The following HECW2 variants were observed in gnomAD, a reference collection of about 807,000 sequenced individuals.
The protein encoded by HECW2 is HECT, C2 and WW domain containing E3 ubiquitin protein ligase 2.
A neutral mutation model predicts 175.2 loss-of-function variants in HECW2; 61 were observed. That is an observed-to-expected ratio of 0.35 (90% CI 0.28 to 0.43). The LOEUF is 0.43. Among genes scored for constraint, HECW2 ranks in the 20% least tolerant of loss-of-function variants. HECW2 has a pLI of 1.00. For synonymous variants in HECW2, 671 were observed against 731.0 expected (o/e 0.92, Z 1.32); for missense variants, 1,524 against 2,000.5 (o/e 0.76, Z 4.54).
At chr2:196,323,919 G>GTT (rs1294087624) in intron 6 of HECW2, among the ~76,000 whole-genome samples, 2 of 37,622 alleles carry the variant, frequency 5.3e-5, no homozygotes, top group South Asian at 1.2e-3. Context: ...TTTTTTGTTT[G>GTT]TTTTTTTTTT....
At chr2:196,558,904 A>G (rs1689897863) in intron 1 of HECW2, among the ~76,000 whole-genome samples, 1 of 152,230 alleles carries the variant, frequency 6.6e-6, no homozygotes, top group South Asian at 2.1e-4. Context: ...GAATTGTTTA[A>G]TATACCAAAT....
chr2:196,421,215 A>T (rs1388211714), intron 2 of HECW2, among the ~76,000 whole-genome samples: 1 of 152,136 alleles, frequency 6.6e-6, no homozygotes, highest in Non-Finnish European at 1.5e-5. Context: ...GATGTTGTAA[A>T]AAGTCCAAAC....
intron 1 of HECW2, among the ~76,000 whole-genome samples, chr2:196,532,434 C>T (rs1440204720): frequency 1.3e-5 from 2 of 152,038 alleles, no homozygotes; most frequent in African/African-American, 4.8e-5. Flanking sequence ...ACAAGGAGAA[C>T]ATACGGACAC....
chr2:196,446,197 A>G (rs1235917947), intron 1 of HECW2, among the ~76,000 whole-genome samples: 4 of 152,212 alleles, frequency 2.6e-5, no homozygotes, highest in Non-Finnish European at 1.5e-5. Context: ...TCTCTACCAC[A>G]GGGCCTTTGC....
intron 19 of HECW2, among the ~76,000 whole-genome samples, chr2:196,248,625 C>G (rs531209013): frequency 0.092 from 13,209 of 143,412 alleles, 1,104 homozygotes; most frequent in African/African-American, 0.26. Flanking sequence ...CACACACACA[C>G]ACACACAGAG....
At chr2:196,490,481 C>T (rs1052703312) in intron 1 of HECW2, among the ~76,000 whole-genome samples, 5 of 152,146 alleles carry the variant, frequency 3.3e-5, no homozygotes, top group Admixed American at 3.3e-4. Flanking sequence ...GAAGAACCCT[C>T]ACATACTGGT....
chr2:196,235,200 C>T (rs1688202467), intron 21 of HECW2, among the ~76,000 whole-genome samples: 1 of 151,132 alleles, frequency 6.6e-6, no homozygotes, highest in Admixed American at 6.6e-5. Context: ...CAGGTTCAAG[C>T]AATTCTCCTG....
At chr2:196,272,155 C>T (rs1689764842) in intron 16 of HECW2, among the ~76,000 whole-genome samples, 2 of 152,020 alleles carry the variant, frequency 1.3e-5, no homozygotes, top group South Asian at 4.1e-4. Flanking sequence ...CAACTAGGAC[C>T]AAAATGCAGA....
chr2:196,547,234 G>A (rs1038511360), intron 1 of HECW2, among the ~76,000 whole-genome samples: 1 of 152,192 alleles, frequency 6.6e-6, no homozygotes, highest in Non-Finnish European at 1.5e-5. Flanking sequence ...GGGCACCCCA[G>A]CATTCCATGA....
In HECW2 at chr2:196,491,472, GTA is replaced by G. The variant is rs71012914; in HGVS notation, c.-35-58016_-35-58015del. Among the ~76,000 whole-genome samples, 149 of 137,084 alleles carry G rather than the reference GTA, an allele frequency of 1.1e-3. 1 individual carries two copies. The highest frequency in any genetic ancestry group is 3.8e-3 in the African/African-American group (137 of 36,092). The allele number at this position is 137,084 out of a possible 152,430, so 89.9% of individuals were successfully genotyped here. On this transcript the variant is annotated intron_variant, in intron 1 of 28. Coordinates refer to ENST00000644978, the MANE Select transcript of HECW2 (RefSeq NM_001348768.2). ...ACACACTTAGGTATATTAGGTGTGT[GTA>G]TATATATATATACACATATATATAT...
At chr2:196,577,179 C>T (rs1163896101) in intron 1 of HECW2, among the ~76,000 whole-genome samples, 1 of 152,136 alleles carries the variant, frequency 6.6e-6, no homozygotes, top group African/African-American at 2.4e-5. Context: ...CACCACATGT[C>T]TCCACATGCA....
At chr2:196,237,176 CT>C (rs141895432) in intron 21 of HECW2, among the ~76,000 whole-genome samples, 1 of 151,198 alleles carries the variant, frequency 6.6e-6, no homozygotes, top group African/African-American at 2.4e-5. Flanking sequence ...AGCAGTGATT[CT>C]TTTTTTTTAA....
At position 196,194,835 on chromosome 2, in the gene HECW2, A is replaced by T. The variant is rs1366552423; in HGVS notation, c.*6442T>A. ...CTGTGACACACTGTGTGGTGAACGT[A>T]ATGACTGAGGTTGGTGAAGAGAAAT... On this transcript the variant is annotated 3_prime_UTR_variant, in exon 29 of 29. Coordinates refer to ENST00000644978, the MANE Select transcript of HECW2 (RefSeq NM_001348768.2). 2 of 152,186 alleles carry T rather than the reference A, an allele frequency of 1.3e-5. No homozygotes were observed. Among genetic ancestry groups the T allele is most frequent in the Non-Finnish European group, 2.9e-5 (2 of 68,020 alleles). The allele number at this position is 152,186 out of a possible 1,614,324, so 9.4% of individuals were successfully genotyped here. A position where few individuals can be genotyped will look rare whatever the true frequency, so the allele number is the denominator to read the frequency against.
chr2:196,465,497 C>A (rs950288917), intron 1 of HECW2, among the ~76,000 whole-genome samples: 3 of 152,002 alleles, frequency 2.0e-5, no homozygotes, highest in African/African-American at 7.2e-5. Context: ...GTGCCTAGGA[C>A]AATTTGGGCC....
At chr2:196,581,759 T>C (rs183001177) in intron 1 of HECW2, among the ~76,000 whole-genome samples, 41 of 152,198 alleles carry the variant, frequency 2.7e-4, no homozygotes, top group African/African-American at 9.1e-4. Flanking sequence ...TGATAGATGC[T>C]AGGGATGTAA....
intron 1 of HECW2, among the ~76,000 whole-genome samples, chr2:196,503,528 T>C (rs1687644817): frequency 6.6e-6 from 1 of 152,118 alleles, no homozygotes; most frequent in Non-Finnish European, 1.5e-5. Context: ...ACTATCCTGA[T>C]GCTACTGAGT....
At chr2:196,341,322 C>T (rs1692744184) in intron 3 of HECW2, among the ~76,000 whole-genome samples, 1 of 152,108 alleles carries the variant, frequency 6.6e-6, no homozygotes, top group Admixed American at 6.6e-5. Flanking sequence ...TTACCTTTTC[C>T]CCTGAAGTTC....
intron 2 of HECW2, among the ~76,000 whole-genome samples, chr2:196,427,335 T>C (rs1252176581): frequency 6.6e-6 from 1 of 152,252 alleles, no homozygotes. Context: ...ATTGTCTTAA[T>C]GTGCACTTTC....
chr2:196,553,055 A>G (rs2125486858), intron 1 of HECW2, among the ~76,000 whole-genome samples: 1 of 152,332 alleles, frequency 6.6e-6, no homozygotes, highest in South Asian at 2.1e-4. Context: ...GCCAAAGGGG[A>G]AAATATCGCA....
Sources: allele counts gnomAD v4.1 joint callset (sites outside exome capture counted in the v4.1 genomes callset), GRCh38; gene constraint gnomAD v4.1.1; transcripts MANE v1.5; gene names NCBI Gene and HGNC (gene_info 2026-07-23, HGNC 2026-07-21).